The following TAF4B variants were observed in gnomAD, a reference collection of about 807,000 sequenced individuals.
TAF4B encodes transcription initiation factor TFIID subunit 4B.
TAF4B carries 38 observed loss-of-function variants against 86.4 expected under a neutral mutation model. The observed-to-expected ratio is 0.44, with a 90% CI of 0.34 to 0.58. TAF4B has a LOEUF of 0.58. TAF4B is among the 20% of genes least tolerant of loss of function. The pLI is 0.02. For synonymous variants in TAF4B, 388 were observed against 391.2 expected (o/e 0.99, Z 0.10); for missense variants, 988 against 1,027.6 (o/e 0.96, Z 0.53).
At chr18:26,337,947 CA>C (rs2057106229) in intron 13 of TAF4B, among the ~76,000 whole-genome samples, 2 of 152,136 alleles carry the variant, frequency 1.3e-5, no homozygotes, top group South Asian at 4.1e-4. Flanking sequence ...TTTTCCCTTT[CA>C]AACCTACCTA....
intron 1 of TAF4B, among the ~76,000 whole-genome samples, chr18:26,260,674 A>G (rs2056151994): frequency 6.6e-6 from 1 of 152,156 alleles, no homozygotes; most frequent in South Asian, 2.1e-4. Flanking sequence ...TTTGGATTAC[A>G]TAATTTCTAC....
At chr18:26,363,370 CAAAAAAAAAAAAAAAA>C (rs58802058) in intron 14 of TAF4B, among the ~76,000 whole-genome samples, 2 of 35,074 alleles carry the variant, frequency 5.7e-5, no homozygotes, top group Admixed American at 4.0e-4. Context: ...CTGTCTCTAC[CAAAAAAAAAAAAAAAA>C]AAAAAAAAAA....
rs552615078 is a variant in TAF4B, at chr18:26,227,328, G to C, written c.343+52G>C. On this transcript the variant is annotated intron_variant, in intron 1 of 14. Coordinates refer to ENST00000269142, the MANE Select transcript of TAF4B (RefSeq NM_005640.3). ...GTCTGTCGGTCCAGCTGGCGGCGACGGGAAAATTCGCAGCTCCAGATTGCT... is the reference window on the plus strand; with the variant it reads ...GTCTGTCGGTCCAGCTGGCGGCGACCGGAAAATTCGCAGCTCCAGATTGCT... 4.5e-6 allele frequency: 7 copies of C among 1,554,276 alleles called. No individual in the cohort carries two copies. The South Asian group carries it at 8.3e-5, about 18-fold the overall frequency.
chr18:26,242,722 C>G (rs1456957571), intron 1 of TAF4B, among the ~76,000 whole-genome samples: 1 of 152,188 alleles, frequency 6.6e-6, no homozygotes, highest in Non-Finnish European at 1.5e-5. Flanking sequence ...GTGGCTGATA[C>G]TGGTTGTTCC....
chr18:26,227,940 C>G (rs182598614), intron 1 of TAF4B, among the ~76,000 whole-genome samples: 123 of 152,334 alleles, frequency 8.1e-4, no homozygotes, highest in Non-Finnish European at 1.4e-3. Context: ...CTTTAAATGT[C>G]TTATGATTCT....
At chr18:26,268,539 A>G (rs1254118257) in intron 3 of TAF4B, among the ~76,000 whole-genome samples, 2 of 152,154 alleles carry the variant, frequency 1.3e-5, no homozygotes, top group Admixed American at 6.5e-5. Flanking sequence ...CTTAATAACC[A>G]TGTTCATTTG....
Position 26,256,190 on chromosome 18 carries a change from A to C in TAF4B, c.344-8980A>C, listed in dbSNP as rs938636917. 6.2e-6 allele frequency: 10 copies of C among 1,610,698 alleles called. No individual in the cohort carries two copies. The African/African-American group carries it at 1.2e-4, about 19-fold the overall frequency. ...TCTTCCATCTTTTCACAAGCAGGAC[A>C]CAGGCATTGCAGATGTCTCCTGAAG... On this transcript the variant is annotated intron_variant, in intron 1 of 14. Transcript: ENST00000269142.
intron 14 of TAF4B, among the ~76,000 whole-genome samples, chr18:26,378,694 A>G (rs2057458991): frequency 1.3e-5 from 2 of 152,168 alleles, no homozygotes; most frequent in Non-Finnish European, 2.9e-5. Flanking sequence ...AGAAAGTTCT[A>G]TTATGCCTTT....
At chr18:26,340,172 CAATTCTT>C (rs2057125130) in intron 13 of TAF4B, among the ~76,000 whole-genome samples, 1 of 152,084 alleles carries the variant, frequency 6.6e-6, no homozygotes, top group Non-Finnish European at 1.5e-5. Context: ...ACTGTTGGTG[CAATTCTT>C]CATAAAACAT....
intron 7 of TAF4B, 147 bp from the exon 8 acceptor site, chr18:26,292,099 C>G (rs918085731): frequency 7.9e-6 from 6 of 761,058 alleles, no homozygotes; most frequent in African/African-American, 1.8e-5. Flanking sequence ...GATAATTTTG[C>G]TTCATACAAA....
chr18:26,335,039 G>T, intron 12 of TAF4B, 136 bp from the exon 13 acceptor site: 1 of 652,934 alleles, frequency 1.5e-6, no homozygotes. Flanking sequence ...AGTGCAGCTA[G>T]ACTGGATTGA....
At chr18:26,251,092 T>C (rs2055999972) in intron 1 of TAF4B, among the ~76,000 whole-genome samples, 1 of 152,218 alleles carries the variant, frequency 6.6e-6, no homozygotes, top group African/African-American at 2.4e-5. Flanking sequence ...CGTCTAAGTG[T>C]TTCCAGTCCT....
At position 26,239,210 on chromosome 18, in the gene TAF4B, T is replaced by G. The variant is rs2055797599; in HGVS notation, c.343+11934T>G. ...AACTAGTTTGCATTCCCACCAACAG[T>G]GTAAAAGTGTTCCTATTTCTCCACA... On this transcript the variant is annotated intron_variant, in intron 1 of 14. Transcript: ENST00000269142. Among the ~76,000 whole-genome samples the G allele has an allele frequency of 2.6e-5, 4 of 152,310 alleles. No homozygotes were observed. In the South Asian group the frequency reaches 8.3e-4, roughly 32 times the overall value.
intron 9 of TAF4B, among the ~76,000 whole-genome samples, chr18:26,295,867 TGTAAA>T (rs894187906): frequency 2.6e-5 from 4 of 152,174 alleles, no homozygotes; most frequent in African/African-American, 9.7e-5. Flanking sequence ...TAGAATATGT[TGTAAA>T]GGTGGTGGTT....
intron 10 of TAF4B, among the ~76,000 whole-genome samples, chr18:26,317,938 C>A (rs145607934): frequency 7.0e-4 from 107 of 152,298 alleles, no homozygotes; most frequent in African/African-American, 2.0e-3. Flanking sequence ...ACTTCACTTA[C>A]AAAGAGTGAT....
intron 1 of TAF4B, among the ~76,000 whole-genome samples, chr18:26,260,357 A>G (rs540666582): frequency 6.6e-6 from 1 of 152,300 alleles, no homozygotes; most frequent in Admixed American, 6.5e-5. Context: ...GTCCTTGCCC[A>G]TGCCTATGTC....
At chr18:26,296,506 G>A (rs2056664799) in intron 9 of TAF4B, among the ~76,000 whole-genome samples, 1 of 152,024 alleles carries the variant, frequency 6.6e-6, no homozygotes, top group Admixed American at 6.6e-5. Flanking sequence ...GGGTAGATGA[G>A]ATTGAGAAGA....
intron 11 of TAF4B, among the ~76,000 whole-genome samples, chr18:26,323,945 A>G (rs1192061394): frequency 1.3e-5 from 2 of 151,998 alleles, no homozygotes; most frequent in African/African-American, 2.4e-5. Flanking sequence ...CTATTTTGCT[A>G]TTTCTTTTCT....
At chr18:26,262,578 G>A (rs1437946698) in intron 1 of TAF4B, among the ~76,000 whole-genome samples, 2 of 151,502 alleles carry the variant, frequency 1.3e-5, no homozygotes, top group South Asian at 2.1e-4. Context: ...AGTTTCAAGC[G>A]ATTCTTGTGC....
Sources: allele counts gnomAD v4.1 joint callset (sites outside exome capture counted in the v4.1 genomes callset), GRCh38; gene constraint gnomAD v4.1.1; transcripts MANE v1.5; gene names NCBI Gene and HGNC (gene_info 2026-07-23, HGNC 2026-07-21).